Variants in WDR17 observed in about 807,000 individuals in gnomAD.
The protein encoded by WDR17 is WD repeat domain 17, also known as WD repeat-containing protein 17.
In WDR17, 143 loss-of-function variants were observed where a neutral mutation model predicts 161.7. The observed-to-expected ratio is 0.88, with a 90% CI of 0.77 to 1.02. WDR17 has a LOEUF of 1.02. WDR17 is among the 50% of genes least tolerant of loss of function. The pLI, the probability that WDR17 is intolerant of heterozygous loss-of-function variation, is 0.00. For synonymous variants in WDR17, 517 were observed against 515.6 expected (o/e 1.00, Z -0.04); for missense variants, 1,469 against 1,520.9 (o/e 0.97, Z 0.57).
chr4:176,177,583 T>C lies in WDR17; in HGVS notation c.3661T>C (p.Tyr1221His), dbSNP rs1282374162. The C allele has an allele frequency of 3.8e-6, 6 of 1,596,962 alleles. No homozygotes were observed. Among genetic ancestry groups the C allele is most frequent in the East Asian group, 2.2e-5 (1 of 44,636 alleles). The change falls in exon 28 of 29, where the codon TAT becomes CAT. Residue 1221 changes from tyrosine (Y) to histidine (H), a missense_variant. Tyr to His is a moderately conservative substitution (Grantham distance 83, BLOSUM62 2). Coordinates refer to ENST00000508596, the MANE Select transcript of WDR17 (RefSeq NM_181265.4). Reference protein sequence around the residue: ...ESLKGIIGPDYVTGSNLPSHS... With the variant: ...ESLKGIIGPDHVTGSNLPSHS... Reference sequence around the variant, plus strand: ...ACTGAAAGGAATTATTGGACCAGATTATGTGACTGGATCAAATCTTCCAAG... The same window carrying C: ...ACTGAAAGGAATTATTGGACCAGATCATGTGACTGGATCAAATCTTCCAAG...
chr4:176,089,967 T>C (rs114897523), intron 1 of WDR17, among the ~76,000 whole-genome samples: 1,804 of 152,296 alleles, frequency 0.012, 38 homozygotes, highest in African/African-American at 0.041. Flanking sequence ...TCGGAATTTC[T>C]GTATTTTTGC....
chr4:176,122,111 C>A (rs1385054002), intron 4 of WDR17, among the ~76,000 whole-genome samples: 2 of 152,192 alleles, frequency 1.3e-5, no homozygotes, highest in African/African-American at 4.8e-5. Context: ...CATGCTCCCC[C>A]TGAAGGCCCA....
At chr4:176,094,190 A>G (rs1736498954) in intron 1 of WDR17, among the ~76,000 whole-genome samples, 2 of 152,190 alleles carry the variant, frequency 1.3e-5, no homozygotes, top group African/African-American at 4.8e-5. Context: ...TTACTTAGAT[A>G]CATTTCCTTA....
Position 176,150,448 on chromosome 4 carries a change from A to ATTT in WDR17, c.2179-16_2179-14dup. ...GTTTTTAATTCACTATTCCATATTT[A>ATTT]TTTTTTGTCAACTCTTTAGCCTCCA... is the stretch of plus-strand genomic sequence containing the variant. On this transcript the variant is annotated intron_variant, in intron 15 of 28. Transcript: ENST00000508596. 1 of 1,586,458 alleles carries ATTT rather than the reference A, an allele frequency of 6.3e-7. No individual in the cohort carries two copies. The highest frequency in any genetic ancestry group is 8.5e-7 in the Non-Finnish European group (1 of 1,171,856).
intron 1 of WDR17, among the ~76,000 whole-genome samples, chr4:176,105,180 A>G (rs1738507036): frequency 6.6e-6 from 1 of 152,070 alleles, no homozygotes; most frequent in Non-Finnish European, 1.5e-5. Flanking sequence ...GCAGCAAAAT[A>G]TAAGTTATAA....
chr4:176,124,862 A>G (rs1403092467), intron 4 of WDR17, among the ~76,000 whole-genome samples: 3 of 152,198 alleles, frequency 2.0e-5, no homozygotes, highest in Admixed American at 1.3e-4. Flanking sequence ...TCGGTAACAA[A>G]TGGGAGACAC....
Position 176,182,642 on chromosome 4 carries a change from A to G in WDR17, c.*3063A>G. The G allele has an allele frequency of 6.6e-6, 1 of 152,114 alleles. No homozygotes were observed. The highest frequency in any genetic ancestry group is 1.9e-4 in the East Asian group (1 of 5,184). 9.4% of individuals were successfully genotyped at this position (152,114 alleles called of 1,614,324 possible). ...ACATCTTTATAGTCAACTCTTAATT[A>G]ATGCTTATTGTACCAAATCTTTGAG... On this transcript the variant is annotated 3_prime_UTR_variant, in exon 29 of 29. Transcript: ENST00000508596. This position sits in a 1 kb window ranked among gnomAD's most constrained non-coding sequence, Gnocchi z 4.2.
intron 2 of WDR17, 127 bp from the exon 3 acceptor site, chr4:176,115,669 T>C: frequency 1.5e-6 from 1 of 649,746 alleles, no homozygotes; most frequent in Non-Finnish European, 2.4e-6. Context: ...TGAAATATGT[T>C]CATATCTTTA....
intron 27 of WDR17, 54 bp from the exon 28 acceptor site, chr4:176,177,417 T>A: frequency 6.9e-7 from 1 of 1,440,520 alleles, no homozygotes. Context: ...AATCTAAACA[T>A]CAAAAATTCT....
chr4:176,084,510 A>T (rs1404237243), intron 1 of WDR17, among the ~76,000 whole-genome samples: 2 of 151,952 alleles, frequency 1.3e-5, no homozygotes, highest in African/African-American at 4.8e-5. Context: ...TCAAATTTCA[A>T]CATGAGGTTT....
In WDR17 at chr4:176,125,123, T is replaced by A. The variant is rs1327211165; in HGVS notation, c.558T>A (p.His186Gln). 1.5e-5 allele frequency: 25 copies of A among 1,614,036 alleles called. No individual in the cohort carries two copies. The highest frequency in any genetic ancestry group is 1.6e-4 in the Middle Eastern group (1 of 6,062). ...IFHPGNKNQK[H>Q]VLRPESLEGT... ...TAACAGGTAATAAAAATCAGAAACA[T>A]GTTTTGAGACCAGAATCTCTTGAAG... The change falls in exon 5 of 29, where the codon CAT becomes CAA. Residue 186 changes from histidine to glutamine, a missense_variant. Physicochemically the swap from His to Gln is conservative, Grantham distance 24. Transcript: ENST00000508596.
At chr4:176,175,109 G>A (rs1375545548) in intron 26 of WDR17, among the ~76,000 whole-genome samples, 2 of 152,102 alleles carry the variant, frequency 1.3e-5, no homozygotes, top group Non-Finnish European at 2.9e-5. Context: ...CATGAATTAC[G>A]ACTACATTCT....
At chr4:176,175,486 A>T (rs1751300395) in intron 26 of WDR17, among the ~76,000 whole-genome samples, 1 of 152,214 alleles carries the variant, frequency 6.6e-6, no homozygotes, top group Admixed American at 6.5e-5. Flanking sequence ...TAAATGGCTT[A>T]GTAGGTAACC....
chr4:176,115,868 T>A lies in WDR17; in HGVS notation c.196T>A (p.Ser66Thr). ...ACATAAAAAAACAATCACAGCAATT[T>A]CTTGGTGTCCACATAATCCTGATCT... ...SEHKKTITAI[S>T]WCPHNPDLFA... Residue 66 changes from serine to threonine, a missense_variant, in exon 3 of 29, where the codon TCT (serine) becomes ACT (threonine). Coordinates refer to ENST00000508596, the MANE Select transcript of WDR17 (RefSeq NM_181265.4). 1 of 1,611,790 alleles carries A rather than the reference T, an allele frequency of 6.2e-7. No individual in the cohort carries two copies. The highest frequency in any genetic ancestry group is 2.2e-5 in the East Asian group (1 of 44,660).
intron 1 of WDR17, among the ~76,000 whole-genome samples, chr4:176,077,125 T>G (rs1734147989): frequency 6.6e-6 from 1 of 151,582 alleles, no homozygotes; most frequent in Middle Eastern, 3.2e-3. Flanking sequence ...TAGAGTATAG[T>G]ACTACTGTCT....
In WDR17 at chr4:176,075,664, T is replaced by C. The variant is rs183530522; in HGVS notation, c.-7+9585T>C. Among the ~76,000 whole-genome samples, 5 of 152,328 alleles carry C rather than the reference T, an allele frequency of 3.3e-5. No homozygotes were observed. In the East Asian group the frequency reaches 7.7e-4, roughly 23 times the overall value. On this transcript the variant is annotated intron_variant, in intron 1 of 28. Coordinates refer to ENST00000508596, the MANE Select transcript of WDR17 (RefSeq NM_181265.4). ...AATCTTTCCAGTATGAGAATGTCTT[T>C]CTGTTCGTTTTCCCTTCACACATGT... is the stretch of plus-strand genomic sequence containing the variant.
Position 176,131,664 on chromosome 4 carries a change from G to A in WDR17, c.1024G>A (p.Val342Met), listed in dbSNP as rs753004304. The A allele has an allele frequency of 2.5e-6, 4 of 1,613,768 alleles. No homozygotes were observed. The highest frequency in any genetic ancestry group is 1.7e-5 in the Admixed American group (1 of 59,992). Residue 342 changes from valine to methionine, a missense_variant, in exon 7 of 29, where the codon GTG becomes ATG. Transcript: ENST00000508596. ...ATTTTCTCTTCCTCCTGGTCATGCA[G>A]TGTGTTGTTTCTTGGATGGTGGAGT... ...QAFSLPPGHA[V>M]CCFLDGGVGL... is the part of the protein sequence containing the mutation.
chr4:176,076,347 G>A (rs900550761), intron 1 of WDR17, among the ~76,000 whole-genome samples: 1 of 140,632 alleles, frequency 7.1e-6, no homozygotes, highest in African/African-American at 2.6e-5. Flanking sequence ...TAAAACAAAA[G>A]CACTTTTGAT....
chr4:176,098,346 T>TGGAACC (rs1737230653), intron 1 of WDR17: 2 of 152,086 alleles, frequency 1.3e-5, no homozygotes, highest in African/African-American at 4.8e-5. Context: ...GTGGTTCACA[T>TGGAACC]ATTAATGAAA....
Sources: allele counts gnomAD v4.1 joint callset (sites outside exome capture counted in the v4.1 genomes callset), GRCh38; gene constraint gnomAD v4.1.1; non-coding constraint Gnocchi (gnomAD v3.1); transcripts MANE v1.5; gene names NCBI Gene and HGNC (gene_info 2026-07-23, HGNC 2026-07-21).